The following GRIK4 variants were observed in gnomAD, a reference collection of about 807,000 sequenced individuals.
The protein encoded by GRIK4 is glutamate receptor ionotropic, kainate 4.
GRIK4 carries 40 observed loss-of-function variants against 104.9 expected under a neutral mutation model. The observed-to-expected ratio is 0.38, with a 90% CI of 0.30 to 0.50. The LOEUF (loss-of-function observed/expected upper bound fraction) is 0.50. Among genes scored for constraint, GRIK4 ranks in the 20% least tolerant of loss-of-function variants. The probability of loss-of-function intolerance (pLI) is 0.93; values close to 1 mark genes in which losing one functional copy is unlikely to be tolerated. For missense variants in GRIK4, 1,047 were observed against 1,308.1 expected, an observed-to-expected ratio of 0.80 and a Z score of 3.08; for synonymous variants, 485 against 524.9, an observed-to-expected ratio of 0.92 and a Z score of 1.04.
Position 120,961,622 on chromosome 11 carries a change from C to T in GRIK4, c.2040+548C>T, listed in dbSNP as rs137855214. Among the ~76,000 whole-genome samples, 83 of 152,308 alleles carry T rather than the reference C, an allele frequency of 5.4e-4. 1 individual carries two copies. The highest frequency in any genetic ancestry group is 1.7e-3 in the African/African-American group (70 of 41,558). On this transcript the variant is annotated intron_variant, in intron 17 of 20. Coordinates refer to ENST00000527524, the MANE Select transcript of GRIK4 (RefSeq NM_014619.5). ...GGACCCTGTTGGCTTCTTTGAGTTT[C>T]CCTTGCAAGGCTCAGGAGAAAGCCC...
chr11:120,951,959 G>A (rs985096152), intron 14 of GRIK4, among the ~76,000 whole-genome samples: 1 of 152,200 alleles, frequency 6.6e-6, no homozygotes, highest in Admixed American at 6.5e-5. Context: ...GTGTCACCTC[G>A]GATCTATTCC....
Position 120,711,005 on chromosome 11 carries a change from G to GGGT in GRIK4, c.82+50607_82+50609dup, listed in dbSNP as rs1555046808. Among the ~76,000 whole-genome samples, 30 of 150,138 alleles carry GGGT rather than the reference G, an allele frequency of 2.0e-4. 2 individuals carry two copies. Among genetic ancestry groups the GGGT allele is most frequent in the South Asian group, 1.7e-3 (8 of 4,630 alleles). ...CGCTTGCCCCTGTGAGGTGGGGAGG[G>GGGT]GGTGTGAGCAGCTGCAGGGCCCTGC... On this transcript the variant is annotated intron_variant, in intron 3 of 20. Coordinates refer to ENST00000527524, the MANE Select transcript of GRIK4 (RefSeq NM_014619.5).
chr11:120,855,431 A>G (rs1382350375), intron 8 of GRIK4, among the ~76,000 whole-genome samples: 1 of 152,220 alleles, frequency 6.6e-6, no homozygotes, highest in African/African-American at 2.4e-5. Context: ...GTTGGTGGTC[A>G]GTAAATTGTA....
chr11:120,824,045 T>C (rs11218016), intron 6 of GRIK4, among the ~76,000 whole-genome samples: 114,612 of 152,112 alleles, frequency 0.75, 43,907 homozygotes, highest in African/African-American at 0.9. Flanking sequence ...AATGCAGGGC[T>C]GAGAGATACT....
In GRIK4 at chr11:120,939,936, C is replaced by G. The variant is rs892736412; in HGVS notation, c.1477-411C>G. Among the ~76,000 whole-genome samples the G allele has an allele frequency of 6.6e-6, 1 of 151,422 alleles. No homozygotes were observed. The highest frequency in any genetic ancestry group is 2.4e-5 in the African/African-American group (1 of 41,124). On this transcript the variant is annotated intron_variant, in intron 13 of 20. Transcript: ENST00000527524. This position sits in a 1 kb window ranked among gnomAD's most constrained non-coding sequence, Gnocchi z 5.6. ...CAGAGGTTGCGGCGAGCCGAGATGG[C>G]GCCACTGCACTCCAGCCTGGGCGAC...
chr11:120,602,069 A>T (rs1948895093), intron 1 of GRIK4, among the ~76,000 whole-genome samples: 1 of 151,996 alleles, frequency 6.6e-6, no homozygotes, highest in South Asian at 2.1e-4. Context: ...GCTCAGTCCC[A>T]GCCAGGTACC....
chr11:120,905,464 A>T lies in GRIK4; in HGVS notation c.1447A>T (p.Thr483Ser), dbSNP rs1385701264. ...CGTTCCCGAGGCCAACGGCACCTGG[A>T]CGGGAATGGTCGGGGAGCTGATCGC... is the stretch of plus-strand genomic sequence containing the variant. ...YGVPEANGTW[T>S]GMVGELIARK... is the part of the protein sequence containing the mutation. The change falls in exon 13 of 21, where the codon ACG becomes TCG. Residue 483 changes from threonine to serine, a missense_variant. Physicochemically the swap from Thr to Ser is moderately conservative, Grantham distance 58. Around this residue, in one of 3 missense-constraint regions of GRIK4, gnomAD observed 440 missense variants for 652.3 expected, o/e 0.67. Coordinates refer to ENST00000527524, the MANE Select transcript of GRIK4 (RefSeq NM_014619.5). This position sits in a 1 kb window ranked among gnomAD's most constrained non-coding sequence, Gnocchi z 5.1. 4 of 1,527,666 alleles carry T rather than the reference A, an allele frequency of 2.6e-6. No homozygotes were observed. The highest frequency in any genetic ancestry group is 2.7e-6 in the Non-Finnish European group (3 of 1,126,850). 94.6% of individuals were successfully genotyped at this position (1,527,666 alleles called of 1,614,324 possible). A position where few individuals can be genotyped will look rare whatever the true frequency, so the allele number is the denominator to read the frequency against.
At chr11:120,854,721 TC>T (rs1287759301) in intron 8 of GRIK4, among the ~76,000 whole-genome samples, 1 of 152,220 alleles carries the variant, frequency 6.6e-6, no homozygotes, top group Non-Finnish European at 1.5e-5. Context: ...GTATCATACT[TC>T]CAGTCTGCAC....
intron 3 of GRIK4, among the ~76,000 whole-genome samples, chr11:120,769,563 A>G (rs775763581): frequency 6.6e-6 from 1 of 152,220 alleles, no homozygotes; most frequent in Non-Finnish European, 1.5e-5. Context: ...TGTAAAGACA[A>G]TTCTTAACTT....
chr11:120,819,886 CA>C lies in GRIK4; in HGVS notation c.478del (p.Thr160ProfsTer14), dbSNP rs756151658. 2 of 1,614,052 alleles carry C rather than the reference CA, an allele frequency of 1.2e-6. No homozygotes were observed. Among genetic ancestry groups the C allele is most frequent in the Non-Finnish European group, 1.7e-6 (2 of 1,179,996 alleles). On this transcript the variant is annotated frameshift_variant, in exon 6 of 21. Coordinates refer to ENST00000527524, the MANE Select transcript of GRIK4 (RefSeq NM_014619.5). LOFTEE classifies it high-confidence loss of function. This position sits in a 1 kb window ranked among gnomAD's most constrained non-coding sequence, Gnocchi z 4.3. Reference sequence around the variant, plus strand: ...CTGGGATCCTGAACTTCTTCAACTGCACCACCGCCTGCCTCATCTGTGCCAA... The same window carrying C: ...CTGGGATCCTGAACTTCTTCAACTGCCCACCGCCTGCCTCATCTGTGCCAA... ...VAGILNFFNC[T>X]TACLICAKAE... is the part of the protein sequence containing the mutation.
intron 11 of GRIK4, among the ~76,000 whole-genome samples, chr11:120,890,758 G>T (rs1384131990): frequency 6.6e-6 from 1 of 152,196 alleles, no homozygotes; most frequent in African/African-American, 2.4e-5. Flanking sequence ...TAACAAGGTT[G>T]TTGTGCAGAA....
At chr11:120,747,077 T>C (rs1951453080) in intron 3 of GRIK4, among the ~76,000 whole-genome samples, 1 of 152,210 alleles carries the variant, frequency 6.6e-6, no homozygotes, top group Non-Finnish European at 1.5e-5. Context: ...AGGTATGGCA[T>C]CCCTGAAATA....
chr11:120,533,230 TG>T (rs1377244058), intron 1 of GRIK4, among the ~76,000 whole-genome samples: 1 of 152,156 alleles, frequency 6.6e-6, no homozygotes, highest in Non-Finnish European at 1.5e-5. Flanking sequence ...ATGTCACAGC[TG>T]GGTCAGAGGG....
intron 3 of GRIK4, among the ~76,000 whole-genome samples, chr11:120,791,495 A>G (rs1395821625): frequency 6.6e-6 from 1 of 152,204 alleles, no homozygotes; most frequent in Non-Finnish European, 1.5e-5. Context: ...TTCTTTACAT[A>G]TTCTGGATAC....
At chr11:120,765,753 C>A (rs998315881) in intron 3 of GRIK4, among the ~76,000 whole-genome samples, 1 of 152,164 alleles carries the variant, frequency 6.6e-6, no homozygotes, top group African/African-American at 2.4e-5. Context: ...CATTCAAGAC[C>A]CTGTTTGCCT....
At chr11:120,848,821 T>G (rs1953908288) in intron 8 of GRIK4, among the ~76,000 whole-genome samples, 1 of 151,992 alleles carries the variant, frequency 6.6e-6, no homozygotes, top group South Asian at 2.1e-4. Context: ...CCCTGGGCCT[T>G]TCAGTGAGAT....
chr11:120,936,337 C>A, intron 13 of GRIK4: 1 of 489,592 alleles, frequency 2.0e-6, no homozygotes, highest in South Asian at 1.5e-5. Flanking sequence ...GGGCAATATT[C>A]AGGAAAGAAC....
At position 120,555,800 on chromosome 11, in the gene GRIK4, G is replaced by A. The variant is rs1010807918; in HGVS notation, c.-159+43913G>A. ...AGAGGCCTTGGGGCTTCTTCCCACC[G>A]TCATTATTGATGTCCCTGCCACCAA... On this transcript the variant is annotated intron_variant, in intron 1 of 20. Transcript: ENST00000527524. The surrounding 1 kb of genome is among the most constrained non-coding windows in gnomAD (Gnocchi z 5.3). Among the ~76,000 whole-genome samples the A allele has an allele frequency of 1.9e-4, 29 of 152,174 alleles. No homozygotes were observed. Among genetic ancestry groups the A allele is most frequent in the Non-Finnish European group, 2.9e-4 (20 of 68,010 alleles).
chr11:120,981,440 T>A lies in GRIK4; in HGVS notation c.2396-666T>A, dbSNP rs960515204. 3.3e-5 allele frequency among the ~76,000 whole-genome samples: 5 copies of A among 152,148 alleles called. 1 individual carries two copies. Among genetic ancestry groups the A allele is most frequent in the Non-Finnish European group, 7.3e-5 (5 of 68,030 alleles). Reference sequence around the variant, plus strand: ...ACTAGAAAAGAATCACCTGTGAAACTTCTGTAAAAATACAGATTCCTGGGC... The same window carrying A: ...ACTAGAAAAGAATCACCTGTGAAACATCTGTAAAAATACAGATTCCTGGGC... On this transcript the variant is annotated intron_variant, in intron 19 of 20. Transcript: ENST00000527524.
Sources: gnomAD v4.1 joint callset for allele counts (sites outside exome capture counted in the v4.1 genomes callset) on GRCh38, gnomAD v4.1.1 for gene constraint, gnomAD v4.1.1 regional missense constraint, Gnocchi (gnomAD v3.1) non-coding constraint, MANE v1.5 for transcripts, NCBI Gene and HGNC (gene_info 2026-07-23, HGNC 2026-07-21) for gene names.